The following UNC5C variants were observed in gnomAD, a reference collection of about 807,000 sequenced individuals.
UNC5C encodes unc-5 netrin receptor C.
UNC5C carries 47 observed loss-of-function variants against 99.8 expected under a neutral mutation model. The observed-to-expected ratio is 0.47, with a 90% confidence interval of 0.37 to 0.60. The LOEUF is 0.60. Ranked by LOEUF, UNC5C falls within the 20% of genes least tolerant of loss-of-function variation. The pLI is 0.00. For missense variants in UNC5C, 1,062 were observed against 1,165.9 expected, an observed-to-expected ratio of 0.91 and a Z score of 1.30; for synonymous variants, 487 against 452.2, an observed-to-expected ratio of 1.08 and a Z score of -0.98.
At chr4:95,248,626 A>C in intron 5 of UNC5C, 1 of 450,754 alleles carries the variant, frequency 2.2e-6, no homozygotes, top group Non-Finnish European at 4.4e-6. Context: ...CCTTTAATGC[A>C]GAAAATAGTC....
intron 1 of UNC5C, among the ~76,000 whole-genome samples, chr4:95,474,664 CAG>C (rs1436328257): frequency 2.6e-5 from 4 of 151,968 alleles, no homozygotes; most frequent in African/African-American, 9.7e-5. Context: ...AATGTGGAAA[CAG>C]AAATACAATT....
chr4:95,490,021 T>C (rs959757210), intron 1 of UNC5C, among the ~76,000 whole-genome samples: 2 of 148,446 alleles, frequency 1.3e-5, no homozygotes, highest in East Asian at 2.0e-4. Context: ...GGAAAATACA[T>C]GTGTACACAG....
At chr4:95,362,856 T>C (rs1398712169) in intron 1 of UNC5C, among the ~76,000 whole-genome samples, 2 of 151,910 alleles carry the variant, frequency 1.3e-5, no homozygotes, top group East Asian at 3.9e-4. Context: ...ATCAAGAAAA[T>C]GAAACAAGTT....
At chr4:95,216,316 TA>T in intron 9 of UNC5C, 105 bp from the exon 10 acceptor site, 1 of 788,276 alleles carries the variant, frequency 1.3e-6, no homozygotes, top group East Asian at 2.8e-5. Context: ...TCATTTTCTC[TA>T]AAGACATGTA....
At chr4:95,459,475 T>C (rs1747539499) in intron 1 of UNC5C, among the ~76,000 whole-genome samples, 2 of 152,134 alleles carry the variant, frequency 1.3e-5, no homozygotes. Flanking sequence ...CTATTTTGGT[T>C]CAATAATGAT....
Position 95,277,423 on chromosome 4 carries a change from G to A in UNC5C, c.594+836C>T, listed in dbSNP as rs979481781. On this transcript the variant is annotated intron_variant, in intron 4 of 15. Coordinates refer to ENST00000453304, the MANE Select transcript of UNC5C (RefSeq NM_003728.4). ...GTCAATTAGGGCAATAGTGTCAGATGCATATAAGGATGTCTCCTAATAATC... is the reference window on the plus strand; with the variant it reads ...GTCAATTAGGGCAATAGTGTCAGATACATATAAGGATGTCTCCTAATAATC... 1.1e-4 allele frequency among the ~76,000 whole-genome samples: 16 copies of A among 152,312 alleles called. No individual in the cohort carries two copies. In the East Asian group the frequency reaches 2.9e-3, roughly 28 times the overall value.
chr4:95,275,620 A>C (rs1202416249), intron 4 of UNC5C, among the ~76,000 whole-genome samples: 1 of 152,190 alleles, frequency 6.6e-6, no homozygotes, highest in Non-Finnish European at 1.5e-5. Context: ...GTAAAATATT[A>C]TTACCTTAGA....
intron 1 of UNC5C, among the ~76,000 whole-genome samples, chr4:95,420,816 A>G (rs913161343): frequency 1.3e-5 from 2 of 152,216 alleles, no homozygotes; most frequent in Admixed American, 1.3e-4. Context: ...TTACATTTTA[A>G]AAGAGGCATA....
chr4:95,234,519 C>A (rs1739035138), intron 7 of UNC5C, among the ~76,000 whole-genome samples: 1 of 152,068 alleles, frequency 6.6e-6, no homozygotes, highest in Non-Finnish European at 1.5e-5. Context: ...CAATGCAATC[C>A]ATGTCATTTA....
chr4:95,383,355 G>A (rs1232778132), intron 1 of UNC5C, among the ~76,000 whole-genome samples: 1 of 151,826 alleles, frequency 6.6e-6, no homozygotes, highest in African/African-American at 2.4e-5. Flanking sequence ...TAATGAACAA[G>A]CACATTCAAT....
intron 14 of UNC5C, among the ~76,000 whole-genome samples, chr4:95,176,023 A>G (rs1460017285): frequency 6.6e-6 from 1 of 151,278 alleles, no homozygotes; most frequent in Non-Finnish European, 1.5e-5. Flanking sequence ...CCTTTCTTCC[A>G]GTTGATCGCA....
chr4:95,518,328 C>T (rs1206332145), intron 1 of UNC5C, among the ~76,000 whole-genome samples: 1 of 152,104 alleles, frequency 6.6e-6, no homozygotes, highest in Admixed American at 6.6e-5. Context: ...CTAGCAACAC[C>T]TCATTTATCT....
chr4:95,249,538 A>G (rs1739617976), intron 5 of UNC5C, among the ~76,000 whole-genome samples: 1 of 152,196 alleles, frequency 6.6e-6, no homozygotes, highest in South Asian at 2.1e-4. Context: ...AAATATGTAA[A>G]TATATAGACC....
chr4:95,528,093 C>A (rs947647244), intron 1 of UNC5C, among the ~76,000 whole-genome samples: 19 of 152,052 alleles, frequency 1.2e-4, no homozygotes, highest in African/African-American at 4.6e-4. Flanking sequence ...ATTACATGAT[C>A]AAATTTAAAA....
At chr4:95,177,482 G>C (rs1736414737) in intron 14 of UNC5C, among the ~76,000 whole-genome samples, 1 of 152,180 alleles carries the variant, frequency 6.6e-6, no homozygotes, top group Non-Finnish European at 1.5e-5. Flanking sequence ...CAGGCGGTGA[G>C]GTTGCAACTG....
intron 2 of UNC5C, among the ~76,000 whole-genome samples, chr4:95,329,427 TAATCA>T (rs1743026748): frequency 2.0e-5 from 3 of 152,252 alleles, no homozygotes; most frequent in Admixed American, 1.3e-4. Flanking sequence ...GGTTTGTAAC[TAATCA>T]GTGAAATCTA....
At chr4:95,466,320 T>C (rs993438764) in intron 1 of UNC5C, among the ~76,000 whole-genome samples, 3 of 152,188 alleles carry the variant, frequency 2.0e-5, no homozygotes, top group African/African-American at 7.2e-5. Context: ...GCTTAAAATC[T>C]AGTGAAGGTA....
rs770516845 is a variant in UNC5C at position 95,530,455 on chromosome 4, A to G, written c.124+18279T>C. On this transcript the variant is annotated intron_variant, in intron 1 of 15. Coordinates refer to ENST00000453304, the MANE Select transcript of UNC5C (RefSeq NM_003728.4). Reference sequence around the variant, plus strand: ...ACAAAAGTGTATTCTTACTTGGAAAAGAAAGAAAAATAAAATTCTTCATTT... The same window carrying G: ...ACAAAAGTGTATTCTTACTTGGAAAGGAAAGAAAAATAAAATTCTTCATTT... 7.9e-4 allele frequency among the ~76,000 whole-genome samples: 121 copies of G among 152,342 alleles called. 1 individual carries two copies. Among genetic ancestry groups the G allele is most frequent in the Middle Eastern group, 6.8e-3 (2 of 294 alleles).
intron 3 of UNC5C, among the ~76,000 whole-genome samples, chr4:95,294,018 T>G (rs972396783): frequency 6.6e-6 from 1 of 152,152 alleles, no homozygotes; most frequent in Non-Finnish European, 1.5e-5. Context: ...ATTGTAAGGG[T>G]ACACACACTA....
Sources: allele counts gnomAD v4.1 joint callset (sites outside exome capture counted in the v4.1 genomes callset), GRCh38; gene constraint gnomAD v4.1.1; transcripts MANE v1.5; gene names NCBI Gene and HGNC (gene_info 2026-07-23, HGNC 2026-07-21).